Variants in VANGL1 observed in about 807,000 individuals in gnomAD.
The protein encoded by VANGL1 is VANGL planar cell polarity protein 1.
VANGL1 carries 18 observed loss-of-function variants against 48.4 expected under a neutral mutation model. The observed-to-expected ratio is 0.37, with a 90% confidence interval of 0.26 to 0.55. The LOEUF (loss-of-function observed/expected upper bound fraction) is 0.55. VANGL1 is among the 20% of genes least tolerant of loss of function. The probability of loss-of-function intolerance (pLI) is 0.81; values close to 1 mark genes in which losing one functional copy is unlikely to be tolerated. For missense variants in VANGL1, 667 were observed against 675.8 expected (o/e 0.99, Z 0.14); for synonymous variants, 257 against 261.8 (o/e 0.98, Z 0.18).
intron 2 of VANGL1, among the ~76,000 whole-genome samples, chr1:115,654,204 C>G (rs1032702106): frequency 5.9e-5 from 9 of 152,034 alleles, no homozygotes; most frequent in African/African-American, 2.2e-4. Context: ...GGACCATGCT[C>G]TTTGGTAATT....
At chr1:115,680,007 GTGTGTGTGTGTGTGT>G in intron 4 of VANGL1, among the ~76,000 whole-genome samples, 1 of 95,402 alleles carries the variant, frequency 1.0e-5, no homozygotes, top group Non-Finnish European at 2.1e-5. Context: ...GTGTGTGTGT[GTGTGTGTGTGTGTGT>G]ATGTGAGAGA....
chr1:115,683,860 A>G (rs1202384574), intron 5 of VANGL1, 84 bp from the exon 6 acceptor site: 1 of 1,558,326 alleles, frequency 6.4e-7, no homozygotes, highest in Non-Finnish European at 8.8e-7. Context: ...GGTAGACAAC[A>G]CTGACAGATT....
intron 3 of VANGL1, among the ~76,000 whole-genome samples, chr1:115,660,470 C>T (rs1037696472): frequency 3.9e-5 from 6 of 152,184 alleles, no homozygotes; most frequent in Admixed American, 2.6e-4. Flanking sequence ...GGAATCCTAA[C>T]TTTACAGTAT....
At chr1:115,657,710 C>T (rs574421471) in intron 2 of VANGL1, among the ~76,000 whole-genome samples, 143 of 152,264 alleles carry the variant, frequency 9.4e-4, no homozygotes, top group Non-Finnish European at 2.0e-3. Flanking sequence ...TTAGTCTCTT[C>T]TTGCATTGCC....
At chr1:115,684,204 T>A in intron 6 of VANGL1, 128 bp downstream of exon 6, 1 of 1,041,888 alleles carries the variant, frequency 9.6e-7, no homozygotes, top group South Asian at 2.1e-5. Flanking sequence ...AGTGGCAAGA[T>A]CTTGGCTCAC....
intron 2 of VANGL1, among the ~76,000 whole-genome samples, chr1:115,654,535 A>G (rs979310424): frequency 6.7e-5 from 10 of 149,668 alleles, no homozygotes; most frequent in Non-Finnish European, 1.5e-5. Flanking sequence ...GGTATTTTAA[A>G]ACAGCTGTTT....
chr1:115,681,770 G>A (rs1210264031), intron 4 of VANGL1, among the ~76,000 whole-genome samples: 1 of 152,164 alleles, frequency 6.6e-6, no homozygotes, highest in Non-Finnish European at 1.5e-5. Flanking sequence ...GCCTCCCAAA[G>A]TGCTGGGATT....
intron 4 of VANGL1, among the ~76,000 whole-genome samples, chr1:115,680,248 C>T (rs565002367): frequency 2.6e-5 from 4 of 152,156 alleles, no homozygotes; most frequent in East Asian, 1.9e-4. Context: ...CACGGAAGTC[C>T]GCCTCCTCAG....
intron 1 of VANGL1, among the ~76,000 whole-genome samples, chr1:115,646,034 A>G (rs57917920): frequency 0.02 from 2,996 of 152,214 alleles, 108 homozygotes; most frequent in African/African-American, 0.068. Flanking sequence ...TTATCATAAC[A>G]TATTATTTCC....
chr1:115,682,281 C>T, intron 4 of VANGL1, 83 bp from the exon 5 acceptor site: 3 of 1,567,888 alleles, frequency 1.9e-6, no homozygotes, highest in Non-Finnish European at 8.7e-7. Flanking sequence ...GTTCCTTTAC[C>T]TGACTCCAAA....
At chr1:115,644,772 C>T (rs1183847925) in intron 1 of VANGL1, among the ~76,000 whole-genome samples, 3 of 152,266 alleles carry the variant, frequency 2.0e-5, no homozygotes, top group East Asian at 1.9e-4. Context: ...GACATGTTAA[C>T]GATTCACACC....
intron 4 of VANGL1, among the ~76,000 whole-genome samples, chr1:115,681,503 G>GTT (rs368388367): frequency 0.23 from 26,446 of 113,582 alleles, 3,159 homozygotes; most frequent in South Asian, 0.32. Context: ...TTTTTTTGTT[G>GTT]TTTTTTTTGT....
chr1:115,694,850 TG>T lies in VANGL1; in HGVS notation c.*3472del. 6.6e-6 allele frequency: 1 copy of T among 152,340 alleles called. No individual in the cohort carries two copies. The highest frequency in any genetic ancestry group is 2.4e-5 in the African/African-American group (1 of 41,580). The allele number at this position is 152,340 out of a possible 1,614,324, so 9.4% of individuals were successfully genotyped here. On this transcript the variant is annotated 3_prime_UTR_variant, in exon 8 of 8. Transcript: ENST00000355485. ...TAACATCTGTGTTATCTGTAGCAGG[TG>T]TGTAGCTCAGCAGATACGTGTCATT...
chr1:115,648,332 A>C (rs1370838346), intron 1 of VANGL1, among the ~76,000 whole-genome samples: 1 of 152,132 alleles, frequency 6.6e-6, no homozygotes, highest in Non-Finnish European at 1.5e-5. Context: ...AGTGTTGTGG[A>C]TGGAGATTTG....
At chr1:115,659,058 C>A (rs1652449719) in intron 2 of VANGL1, among the ~76,000 whole-genome samples, 2 of 152,064 alleles carry the variant, frequency 1.3e-5, no homozygotes, top group South Asian at 4.2e-4. Context: ...TCAAGTTCAA[C>A]TAGAACCTAT....
chr1:115,667,955 G>T (rs1224156122), intron 4 of VANGL1, among the ~76,000 whole-genome samples: 1 of 152,220 alleles, frequency 6.6e-6, no homozygotes, highest in Non-Finnish European at 1.5e-5. Flanking sequence ...GACAGATAAA[G>T]AAAACCTTAA....
rs569451320 is a variant in VANGL1, at chr1:115,693,277, A to G, written c.*1898A>G. ...TATCTTTCTCAGGAAATATTTTGGG[A>G]AATGGGGTAAGAGATGGCAAGTGTG... On this transcript the variant is annotated 3_prime_UTR_variant, in exon 8 of 8. Coordinates refer to ENST00000355485, the MANE Select transcript of VANGL1 (RefSeq NM_138959.3). The G allele has an allele frequency of 7.2e-5, 11 of 152,734 alleles. No homozygotes were observed. The highest frequency in any genetic ancestry group is 2.6e-4 in the African/African-American group (11 of 41,580). The allele number at this position is 152,734 out of a possible 1,614,324, so 9.5% of individuals were successfully genotyped here. A position where few individuals can be genotyped will look rare whatever the true frequency, so the allele number is the denominator to read the frequency against.
rs1231190835 is a variant in VANGL1 at position 115,691,201 on chromosome 1, T to C, written c.1397T>C (p.Val466Ala). 6.2e-7 allele frequency: 1 copy of C among 1,613,928 alleles called. No individual in the cohort carries two copies. The highest frequency in any genetic ancestry group is 1.7e-5 in the Admixed American group (1 of 60,024). Residue 466 changes from valine (V) to alanine (A), a missense_variant, in exon 8 of 8, where the codon GTC becomes GCC. Val to Ala is a moderately conservative substitution (Grantham distance 64). Coordinates refer to ENST00000355485, the MANE Select transcript of VANGL1 (RefSeq NM_138959.3). ...TGGCTCTCTACACAGTGGAGGCTTGTCAGTGATGAGGCTGTGACTAATGGA... is the reference window on the plus strand; with the variant it reads ...TGGCTCTCTACACAGTGGAGGCTTGCCAGTGATGAGGCTGTGACTAATGGA... ...DRWLSTQWRL[V>A]SDEAVTNGLR...
At chr1:115,683,597 G>C (rs1653473030) in intron 5 of VANGL1, among the ~76,000 whole-genome samples, 1 of 152,074 alleles carries the variant, frequency 6.6e-6, no homozygotes, top group Non-Finnish European at 1.5e-5. Context: ...CGCCCTTATG[G>C]CCAAACTGAA....
Sources: gnomAD v4.1 joint callset for allele counts (sites outside exome capture counted in the v4.1 genomes callset) on GRCh38, gnomAD v4.1.1 for gene constraint, MANE v1.5 for transcripts, NCBI Gene and HGNC (gene_info 2026-07-23, HGNC 2026-07-21) for gene names.